Variants in NAV3 observed in about 807,000 individuals in gnomAD.
NAV3 encodes the protein neuron navigator 3.
A neutral mutation model predicts 244.7 loss-of-function variants in NAV3; 87 were observed. That is an observed-to-expected ratio of 0.36 (90% CI 0.30 to 0.42). The LOEUF (loss-of-function observed/expected upper bound fraction) is 0.42. Among genes scored for constraint, NAV3 ranks in the 20% least tolerant of loss-of-function variants. The pLI is 1.00. For missense variants in NAV3, 2,663 were observed against 2,893.3 expected (o/e 0.92, Z 1.83); for synonymous variants, 1,126 against 1,042.2 (o/e 1.08, Z -1.55).
At chr12:77,868,254 A>G (rs1345903500) in intron 1 of NAV3, among the ~76,000 whole-genome samples, 1 of 152,140 alleles carries the variant, frequency 6.6e-6, no homozygotes, top group Non-Finnish European at 1.5e-5. Flanking sequence ...AAACCCTTCC[A>G]TGAAACTTGG....
intron 2 of NAV3, among the ~76,000 whole-genome samples, chr12:77,784,681 A>G (rs1455450919): frequency 6.6e-6 from 1 of 152,206 alleles, no homozygotes; most frequent in African/African-American, 2.4e-5. Context: ...CCCTCATTAA[A>G]GCCAGGATCT....
At chr12:77,581,972 C>T (rs1869386141) in intron 2 of NAV3, among the ~76,000 whole-genome samples, 1 of 152,166 alleles carries the variant, frequency 6.6e-6, no homozygotes, top group Admixed American at 6.5e-5. Context: ...TGAATAGCAA[C>T]ATACAATTAC....
intron 9 of NAV3, among the ~76,000 whole-genome samples, chr12:78,029,749 C>T (rs897944259): frequency 2.6e-5 from 4 of 152,164 alleles, no homozygotes; most frequent in African/African-American, 9.7e-5. Context: ...TCTGGCAATG[C>T]TACTGTGCTG....
chr12:77,909,512 G>C (rs1886360436), intron 1 of NAV3, among the ~76,000 whole-genome samples: 1 of 151,856 alleles, frequency 6.6e-6, no homozygotes, highest in African/African-American at 2.4e-5. Context: ...GGTACCACAT[G>C]GAAAAAAGGC....
intron 2 of NAV3, among the ~76,000 whole-genome samples, chr12:77,773,825 T>A (rs894913087): frequency 7.2e-5 from 11 of 152,152 alleles, no homozygotes; most frequent in Non-Finnish European, 8.8e-5. Flanking sequence ...TATTTCCTAC[T>A]TTTTTAGGTC....
rs543735063 is a variant in NAV3, at chr12:77,848,879, A to T, written c.243+17175A>T. On this transcript the variant is annotated intron_variant, in intron 1 of 39. Transcript: ENST00000397909. Reference sequence around the variant, plus strand: ...GAAATCTCCTAATGAGGATTAAAAAAAATCAATATTTTCAATATGATTCCA... The same window carrying T: ...GAAATCTCCTAATGAGGATTAAAAATAATCAATATTTTCAATATGATTCCA... 7.2e-5 allele frequency among the ~76,000 whole-genome samples: 11 copies of T among 152,334 alleles called. No homozygotes were observed. The South Asian group carries it at 1.4e-3, about 20-fold the overall frequency.
At chr12:77,865,272 G>A (rs758126933) in intron 1 of NAV3, among the ~76,000 whole-genome samples, 3 of 151,940 alleles carry the variant, frequency 2.0e-5, no homozygotes, top group Admixed American at 1.3e-4. Context: ...ACTTTAAAGC[G>A]AGAGAAAAGA....
intron 2 of NAV3, among the ~76,000 whole-genome samples, chr12:77,713,170 A>G (rs1166348991): frequency 1.3e-5 from 2 of 152,216 alleles, no homozygotes; most frequent in Non-Finnish European, 2.9e-5. Flanking sequence ...GTGCGTTTGC[A>G]CATTTATTTA....
intron 2 of NAV3, among the ~76,000 whole-genome samples, chr12:77,629,544 T>C (rs1871791837): frequency 6.6e-6 from 1 of 152,204 alleles, no homozygotes; most frequent in African/African-American, 2.4e-5. Flanking sequence ...TTCTATCTGG[T>C]TCTCTTTATC....
At chr12:77,761,726 G>C (rs1379198502) in intron 2 of NAV3, among the ~76,000 whole-genome samples, 1 of 152,190 alleles carries the variant, frequency 6.6e-6, no homozygotes, top group Non-Finnish European at 1.5e-5. Context: ...ACCACAAGGA[G>C]ATACCATCTC....
chr12:77,621,336 C>T (rs1871361082), intron 2 of NAV3, among the ~76,000 whole-genome samples: 1 of 152,160 alleles, frequency 6.6e-6, no homozygotes, highest in Non-Finnish European at 1.5e-5. Context: ...CATCAAAGTT[C>T]TCGACATCCA....
At chr12:78,175,522 A>G (rs1280318355) in intron 25 of NAV3, 95 bp downstream of exon 25, 2 of 1,479,558 alleles carry the variant, frequency 1.4e-6, no homozygotes, top group South Asian at 2.4e-5. Context: ...AGTAGTTTAC[A>G]AAGGGTCCCA....
chr12:78,180,487 T>G (rs1312714226), intron 29 of NAV3, among the ~76,000 whole-genome samples: 1 of 152,134 alleles, frequency 6.6e-6, no homozygotes, highest in Non-Finnish European at 1.5e-5. Context: ...TCTACAGATT[T>G]ATAACAATAT....
chr12:78,137,275 G>A lies in NAV3; in HGVS notation c.4540G>A (p.Asp1514Asn). The change falls in exon 19 of 40, where the codon GAC becomes AAC. Residue 1514 changes from aspartate (D) to asparagine (N), a missense_variant. Physicochemically the swap from Asp to Asn is conservative, Grantham distance 23. Transcript: ENST00000397909. The stretch of plus-strand genomic sequence containing the variant: ...AGACTCTTCCTTCGATCTCTATGAT[G>A]ACTCCCAGCTTTGTGGGAGTGCCAC... ...AQDSSFDLYDDSQLCGSATSL... is the reference protein window; with the variant it reads ...AQDSSFDLYDNSQLCGSATSL... 3.1e-6 allele frequency: 5 copies of A among 1,613,700 alleles called. No individual in the cohort carries two copies. Among genetic ancestry groups the A allele is most frequent in the Non-Finnish European group, 4.2e-6 (5 of 1,179,798 alleles).
At chr12:77,958,928 A>G (rs919879873) in intron 3 of NAV3, among the ~76,000 whole-genome samples, 4 of 152,136 alleles carry the variant, frequency 2.6e-5, no homozygotes, top group African/African-American at 9.7e-5. Flanking sequence ...GCCAAATGAG[A>G]AATGTGGTGT....
intron 12 of NAV3, among the ~76,000 whole-genome samples, chr12:78,077,264 C>A (rs1247034232): frequency 1.3e-5 from 2 of 152,070 alleles, no homozygotes; most frequent in Non-Finnish European, 2.9e-5. Context: ...ACCCAAATTT[C>A]AATAACTAAA....
rs143782468 is a variant in NAV3, at chr12:77,996,263, G to A, written c.740+1392G>A. Among the ~76,000 whole-genome samples the A allele has an allele frequency of 9.2e-3, 1,400 of 152,244 alleles. 15 individuals carry two copies. The highest frequency in any genetic ancestry group is 0.035 in the South Asian group (170 of 4,826). ...AGATTTATTATGATTAGGACACTTG[G>A]CCAAATTCATTAGTTGGGTTCCTTC... On this transcript the variant is annotated intron_variant, in intron 6 of 39. Transcript: ENST00000397909.
chr12:77,627,838 C>G (rs73425563), intron 2 of NAV3, among the ~76,000 whole-genome samples: 1 of 151,956 alleles, frequency 6.6e-6, no homozygotes, highest in Non-Finnish European at 1.5e-5. Flanking sequence ...AATGGTAAAC[C>G]GTTAAGCCAT....
chr12:77,841,524 T>A (rs1037768257), intron 1 of NAV3, among the ~76,000 whole-genome samples: 1 of 152,216 alleles, frequency 6.6e-6, no homozygotes, highest in African/African-American at 2.4e-5. Flanking sequence ...TCCACTTTTT[T>A]AATGCTCTCA....
Sources: allele counts gnomAD v4.1 joint callset (sites outside exome capture counted in the v4.1 genomes callset), GRCh38; gene constraint gnomAD v4.1.1; transcripts MANE v1.5; gene names NCBI Gene and HGNC (gene_info 2026-07-23, HGNC 2026-07-21).